The following ASB14 variants were observed in gnomAD, a reference collection of about 807,000 sequenced individuals.
ASB14 encodes ankyrin repeat and SOCS box protein 14.
ASB14 carries 63 observed loss-of-function variants against 55.6 expected under a neutral mutation model. The ratio of observed to expected loss-of-function variants is 1.13; its 90% confidence interval spans 0.92 to 1.40. The LOEUF (loss-of-function observed/expected upper bound fraction) is 1.40. ASB14 is among the 40% of genes most tolerant of loss of function. The probability of loss-of-function intolerance (pLI) is 0.00; values close to 1 mark genes in which losing one functional copy is unlikely to be tolerated. For missense variants in ASB14, 724 were observed against 710.4 expected (o/e 1.02, Z -0.22); for synonymous variants, 256 against 259.9 (o/e 0.98, Z 0.15).
rs990081033 is a variant in ASB14 at position 57,288,059 on chromosome 3, G to C, written c.311C>G (p.Ala104Gly). 1.3e-6 allele frequency: 2 copies of C among 1,537,132 alleles called. No homozygotes were observed. Among genetic ancestry groups the C allele is most frequent in the African/African-American group, 2.7e-5 (2 of 73,148 alleles). ...TTGCTCCCACAGACTGGGGTCTGAA[G>C]CTGAAATAAATTCATCATACCACAC... ...NRKILEITLS[A>G]SDPSLWEQTT... Residue 104 changes from alanine (A) to glycine (G), a missense_variant and splice_region_variant, in exon 5 of 11, where the codon GCT becomes GGT. Coordinates refer to ENST00000487349, the MANE Select transcript of ASB14 (RefSeq NM_001142733.3).
Position 57,278,802 on chromosome 3 carries a change from C to T in ASB14, c.1006G>A (p.Ala336Thr). 6.2e-7 allele frequency: 1 copy of T among 1,613,362 alleles called. No individual in the cohort carries two copies. The highest frequency in any genetic ancestry group is 8.5e-7 in the Non-Finnish European group (1 of 1,179,706). Reference protein sequence around the residue: ...HPQCLELLIQAGFDVNFMLDQ... With the variant: ...HPQCLELLIQTGFDVNFMLDQ... ...AGCATGAAGTTCACATCAAATCCAGCCTGGATGAGGAGTTCCAGGCACTGA... is the reference window on the plus strand; with the variant it reads ...AGCATGAAGTTCACATCAAATCCAGTCTGGATGAGGAGTTCCAGGCACTGA... The change falls in exon 8 of 11, where the codon GCT becomes ACT. Residue 336 changes from alanine (A) to threonine (T), a missense_variant. Ala to Thr is a moderately conservative substitution (Grantham distance 58). Coordinates refer to ENST00000487349, the MANE Select transcript of ASB14 (RefSeq NM_001142733.3).
intron 10 of ASB14, chr3:57,271,888 G>A (rs1465985508): frequency 2.6e-5 from 4 of 152,226 alleles, no homozygotes; most frequent in Non-Finnish European, 5.9e-5. Context: ...TTCAGCTTTT[G>A]TTCCATTACT....
Position 57,269,388 on chromosome 3 carries a change from G to A in ASB14, c.*253C>T. 1.5e-6 allele frequency: 1 copy of A among 674,364 alleles called. No individual in the cohort carries two copies. The highest frequency in any genetic ancestry group is 2.3e-6 in the Non-Finnish European group (1 of 428,920). 41.8% of individuals were successfully genotyped at this position (674,364 alleles called of 1,614,324 possible). A position where few individuals can be genotyped will look rare whatever the true frequency, so the allele number is the denominator to read the frequency against. On this transcript the variant is annotated 3_prime_UTR_variant, in exon 11 of 11. Coordinates refer to ENST00000487349, the MANE Select transcript of ASB14 (RefSeq NM_001142733.3). ...CCAAAATTCATTTTGGTGTTGTATTGTTTGGGTGTAGCTTTTCTTTTTATC... is the reference window on the plus strand; with the variant it reads ...CCAAAATTCATTTTGGTGTTGTATTATTTGGGTGTAGCTTTTCTTTTTATC...
rs965503032 is a variant in ASB14, at chr3:57,268,617, T to C, written c.*1024A>G. The C allele has an allele frequency of 4.8e-6, 5 of 1,050,692 alleles. No individual in the cohort carries two copies. Among genetic ancestry groups the C allele is most frequent in the East Asian group, 5.1e-5 (2 of 39,132 alleles). 65.1% of individuals were successfully genotyped at this position (1,050,692 alleles called of 1,614,324 possible). ...GTTCAGCCACTTCATAAACAGATGATTCATACCATAGCAGAAAAGGGTCAC... is the reference window on the plus strand; with the variant it reads ...GTTCAGCCACTTCATAAACAGATGACTCATACCATAGCAGAAAAGGGTCAC... On this transcript the variant is annotated 3_prime_UTR_variant, in exon 11 of 11. Coordinates refer to ENST00000487349, the MANE Select transcript of ASB14 (RefSeq NM_001142733.3).
Position 57,269,619 on chromosome 3 carries a change from C to T in ASB14, c.*23-1G>A, listed in dbSNP as rs2060921247. ...CAGTAGTGAGGGGCAGTTTGTTGTC[C>T]TTAGCAGTAGCCAGTCAGAAGAGAG... On this transcript the variant is annotated splice_acceptor_variant, in intron 10 of 10. Transcript: ENST00000487349. LOFTEE classifies it low-confidence loss of function (3UTR_SPLICE). 1 of 1,613,930 alleles carries T rather than the reference C, an allele frequency of 6.2e-7. No homozygotes were observed. Among genetic ancestry groups the T allele is most frequent in the Non-Finnish European group, 8.5e-7 (1 of 1,179,998 alleles).
At chr3:57,291,487 C>T (rs778744427) in intron 2 of ASB14, among the ~76,000 whole-genome samples, 16 of 152,192 alleles carry the variant, frequency 1.1e-4, no homozygotes, top group Admixed American at 1.0e-3. Context: ...TATGTAATTC[C>T]TCCTTTTGAT....
chr3:57,286,606 G>C (rs957936518), intron 5 of ASB14, among the ~76,000 whole-genome samples: 1 of 152,182 alleles, frequency 6.6e-6, no homozygotes, highest in African/African-American at 2.4e-5. Flanking sequence ...CTGAGGTGCT[G>C]AATCAGTATG....
chr3:57,276,756 G>T (rs762982249), intron 9 of ASB14, 28 bp from the exon 10 acceptor site: 1 of 1,575,034 alleles, frequency 6.3e-7, no homozygotes, highest in East Asian at 2.2e-5. Flanking sequence ...ATTATCCAAA[G>T]AGAAAAAGAA....
In ASB14 at chr3:57,268,685, A is replaced by G. The variant is rs1189930248; in HGVS notation, c.*956T>C. 7.4e-6 allele frequency: 3 copies of G among 406,398 alleles called. No individual in the cohort carries two copies. Among genetic ancestry groups the G allele is most frequent in the Non-Finnish European group, 1.2e-5 (3 of 245,084 alleles). 25.2% of individuals were successfully genotyped at this position (406,398 alleles called of 1,614,324 possible). Reference sequence around the variant, plus strand: ...ATGTTTACATTATAGTTACGTTGACATGTAATATGACTGTTTCAAAAATAT... The same window carrying G: ...ATGTTTACATTATAGTTACGTTGACGTGTAATATGACTGTTTCAAAAATAT... On this transcript the variant is annotated 3_prime_UTR_variant, in exon 11 of 11. Coordinates refer to ENST00000487349, the MANE Select transcript of ASB14 (RefSeq NM_001142733.3).
chr3:57,274,574 C>T (rs1211863151), intron 10 of ASB14, among the ~76,000 whole-genome samples: 1 of 152,118 alleles, frequency 6.6e-6, no homozygotes, highest in African/African-American at 2.4e-5. Flanking sequence ...GTGATTCCAG[C>T]TACTCGGGAG....
Position 57,278,807 on chromosome 3 carries a change from A to T in ASB14, c.1001T>A (p.Ile334Asn). The T allele has an allele frequency of 6.2e-7, 1 of 1,613,584 alleles. No individual in the cohort carries two copies. Among genetic ancestry groups the T allele is most frequent in the South Asian group, 1.1e-5 (1 of 90,968 alleles). Reference sequence around the variant, plus strand: ...GAAGTTCACATCAAATCCAGCCTGGATGAGGAGTTCCAGGCACTGAGGATG... The same window carrying T: ...GAAGTTCACATCAAATCCAGCCTGGTTGAGGAGTTCCAGGCACTGAGGATG... Reference protein sequence around the residue: ...GAHPQCLELLIQAGFDVNFML... With the variant: ...GAHPQCLELLNQAGFDVNFML... The change falls in exon 8 of 11, where the codon ATC (isoleucine) becomes AAC (asparagine). Residue 334 changes from isoleucine to asparagine, a missense_variant. By Grantham distance (149) the Ile-to-Asn change is moderately radical. Transcript: ENST00000487349.
intron 5 of ASB14, among the ~76,000 whole-genome samples, chr3:57,284,136 A>AGTGTGTGTGTGTGTGTGTGTGTGTG (rs1579432141): frequency 1.8e-5 from 1 of 56,636 alleles, no homozygotes; most frequent in East Asian, 2.2e-3. Flanking sequence ...ATGTATGTAA[A>AGTGTGTGTGTGTGTGTGTGTGTGTG]TATATATATA....
chr3:57,288,208 A>G lies in ASB14; in HGVS notation c.257T>C (p.Leu86Pro). The change falls in exon 4 of 11, where the codon CTG becomes CCG. Residue 86 changes from leucine to proline, a missense_variant. Physicochemically the swap from Leu to Pro is moderately conservative, Grantham distance 98. Coordinates refer to ENST00000487349, the MANE Select transcript of ASB14 (RefSeq NM_001142733.3). ...GEADEIGWIP[L>P]HKAAVQLNRK... ...ATTTAATTGCACTGCAGCCTTATGC[A>G]GAGGAATCCAGCCTATCTCATCTGC... 6.5e-7 allele frequency: 1 copy of G among 1,536,990 alleles called. No individual in the cohort carries two copies. The highest frequency in any genetic ancestry group is 8.7e-7 in the Non-Finnish European group (1 of 1,146,580).
Position 57,279,904 on chromosome 3 carries a change from G to A in ASB14, c.887+398C>T, listed in dbSNP as rs916126805. Among the ~76,000 whole-genome samples, 8 of 152,056 alleles carry A rather than the reference G, an allele frequency of 5.3e-5. 1 individual carries two copies. The highest frequency in any genetic ancestry group is 1.9e-4 in the African/African-American group (8 of 41,390). On this transcript the variant is annotated intron_variant, in intron 7 of 10. Transcript: ENST00000487349. ...AATCATCCACATGTAGGACTGTTCT[G>A]GCAGCGGGGGTTGGGGGGGAACCGT...
intron 6 of ASB14, among the ~76,000 whole-genome samples, chr3:57,282,878 G>A (rs1176985132): frequency 2.0e-5 from 3 of 152,104 alleles, no homozygotes; most frequent in Admixed American, 6.6e-5. Context: ...ATGTTGCAGG[G>A]TGTTTGATTT....
At chr3:57,292,555 C>A (rs1208718988) in intron 1 of ASB14, 78 bp downstream of exon 1, 1 of 152,624 alleles carries the variant, frequency 6.6e-6, no homozygotes, top group Admixed American at 6.5e-5. Context: ...TCTTACTAGG[C>A]AATATCTAAA....
At chr3:57,280,197 A>T in intron 7 of ASB14, 105 bp downstream of exon 7, 31 of 462,598 alleles carry the variant, frequency 6.7e-5, no homozygotes, top group Non-Finnish European at 1.0e-4. Context: ...GTATGTTTAG[A>T]TTGTGGGATC....
In ASB14 at chr3:57,278,555, A is replaced by G. The variant is rs1357996393; in HGVS notation, c.1253T>C (p.Val418Ala). The change falls in exon 8 of 11, where the codon GTT (valine) becomes GCT (alanine). Residue 418 changes from valine (V) to alanine (A), a missense_variant. Physicochemically the swap from Val to Ala is moderately conservative, Grantham distance 64. Transcript: ENST00000487349. ...TGCTGATGGGAAATGTAAAGGGTTAACTCTGCAGAAGTAATTGACATTGGC... is the reference window on the plus strand; with the variant it reads ...TGCTGATGGGAAATGTAAAGGGTTAGCTCTGCAGAAGTAATTGACATTGGC... ...HGANVNYFCR[V>A]NPLHFPSALQ... The G allele has an allele frequency of 1.2e-6, 2 of 1,614,204 alleles. No individual in the cohort carries two copies. Among genetic ancestry groups the G allele is most frequent in the Admixed American group, 1.7e-5 (1 of 60,022 alleles).
chr3:57,283,838 A>T (rs1033721302), intron 5 of ASB14, among the ~76,000 whole-genome samples: 4 of 17,440 alleles, frequency 2.3e-4, no homozygotes, highest in East Asian at 0.028. Flanking sequence ...CCAAAAATTA[A>T]AAAAAAAACA....
Sources: allele counts gnomAD v4.1 joint callset (sites outside exome capture counted in the v4.1 genomes callset), GRCh38; gene constraint gnomAD v4.1.1; transcripts MANE v1.5; gene names NCBI Gene and HGNC (gene_info 2026-07-23, HGNC 2026-07-21).